The following COL14A1 variants were observed in gnomAD, a reference collection of about 807,000 sequenced individuals.
COL14A1 encodes the protein collagen alpha-1(XIV) chain.
COL14A1 carries 136 observed loss-of-function variants against 230.3 expected under a neutral mutation model. The ratio of observed to expected loss-of-function variants is 0.59; its 90% confidence interval spans 0.51 to 0.68. The LOEUF (loss-of-function observed/expected upper bound fraction) is 0.68. Among genes scored for constraint, COL14A1 ranks in the 30% least tolerant of loss-of-function variants. COL14A1 has a pLI of 0.00. For missense variants in COL14A1, 1,976 were observed against 2,215.8 expected, an observed-to-expected ratio of 0.89 and a Z score of 2.17; for synonymous variants, 792 against 784.1, an observed-to-expected ratio of 1.01 and a Z score of -0.17.
At chr8:120,224,387 G>A (rs1309350383) in intron 14 of COL14A1, among the ~76,000 whole-genome samples, 1 of 152,160 alleles carries the variant, frequency 6.6e-6, no homozygotes, top group Non-Finnish European at 1.5e-5. Flanking sequence ...AAAGGAAAAT[G>A]AATCCTAGGG....
chr8:120,257,199 C>T (rs770980020), intron 23 of COL14A1, among the ~76,000 whole-genome samples: 2 of 152,234 alleles, frequency 1.3e-5, no homozygotes, highest in Middle Eastern at 6.8e-3. Context: ...GTTAAGTGAA[C>T]TTATACTCCC....
intron 24 of COL14A1, 131 bp downstream of exon 24, chr8:120,263,145 T>C: frequency 1.0e-6 from 1 of 985,154 alleles, no homozygotes; most frequent in Non-Finnish European, 1.4e-6. Context: ...ACAAGTTTTG[T>C]TCCTCTTACT....
chr8:120,272,765 T>C (rs992132802), intron 26 of COL14A1, among the ~76,000 whole-genome samples: 1 of 151,406 alleles, frequency 6.6e-6, no homozygotes, highest in African/African-American at 2.4e-5. Flanking sequence ...TACATTTATA[T>C]GGACTTAACT....
rs529964045 is a variant in COL14A1, at chr8:120,338,461, C to T, written c.4786-2864C>T. ...TTATTGCCTGGCCTTGAGCAAGTGACAAGACCTCTTAGTGCCTCATTTTCC... is the reference window on the plus strand; with the variant it reads ...TTATTGCCTGGCCTTGAGCAAGTGATAAGACCTCTTAGTGCCTCATTTTCC... On this transcript the variant is annotated intron_variant, in intron 42 of 47. Coordinates refer to ENST00000297848, the MANE Select transcript of COL14A1 (RefSeq NM_021110.4). Among the ~76,000 whole-genome samples, 4 of 152,190 alleles carry T rather than the reference C, an allele frequency of 2.6e-5. No individual in the cohort carries two copies. The South Asian group carries it at 8.3e-4, about 32-fold the overall frequency.
intron 40 of COL14A1, among the ~76,000 whole-genome samples, chr8:120,322,673 T>C (rs1452819992): frequency 1.3e-5 from 2 of 152,216 alleles, no homozygotes; most frequent in Non-Finnish European, 2.9e-5. Flanking sequence ...CTGCATAAGT[T>C]TGCTATGGAT....
chr8:120,247,124 C>T (rs1222602335), intron 20 of COL14A1, among the ~76,000 whole-genome samples: 1 of 152,086 alleles, frequency 6.6e-6, no homozygotes. Flanking sequence ...AATTATTTCC[C>T]ATATATTTAA....
At chr8:120,205,156 A>G (rs1563670854) in intron 9 of COL14A1, among the ~76,000 whole-genome samples, 1 of 152,140 alleles carries the variant, frequency 6.6e-6, no homozygotes, top group African/African-American at 2.4e-5. Context: ...AAAATGTTTA[A>G]AACGTTTCAG....
intron 40 of COL14A1, among the ~76,000 whole-genome samples, chr8:120,317,349 T>G (rs932489598): frequency 6.8e-6 from 1 of 147,088 alleles, no homozygotes; most frequent in East Asian, 1.9e-4. Context: ...CATCCCCCCC[T>G]TTTTTTTAAC....
At position 120,365,808 on chromosome 8, in the gene COL14A1, G is replaced by A. The variant is rs143632094; in HGVS notation, c.5078-1363G>A. ...GAGATACTGGTCTTTTGTAAGCTCAGATAGCACCATCAAGGTGACATGCAA... is the reference window on the plus strand; with the variant it reads ...GAGATACTGGTCTTTTGTAAGCTCAAATAGCACCATCAAGGTGACATGCAA... On this transcript the variant is annotated intron_variant, in intron 45 of 47. Transcript: ENST00000297848. Among the ~76,000 whole-genome samples, 1,451 of 152,318 alleles carry A rather than the reference G, an allele frequency of 9.5e-3. 15 individuals are homozygous for A. Among genetic ancestry groups the A allele is most frequent in the Non-Finnish European group, 0.015 (1,007 of 68,030 alleles).
Position 120,288,024 on chromosome 8 carries a change from CAA to C in COL14A1, c.4078-1571_4078-1570del, listed in dbSNP as rs61622764. ...ATTTTCAATATCTCCTTTTGTAAAGCAAAAAAAAAAAAAATTAAGCATGTGAA... is the reference window on the plus strand; with the variant it reads ...ATTTTCAATATCTCCTTTTGTAAAGCAAAAAAAAAAAATTAAGCATGTGAA... On this transcript the variant is annotated intron_variant, in intron 33 of 47. Coordinates refer to ENST00000297848, the MANE Select transcript of COL14A1 (RefSeq NM_021110.4). 4.6e-3 allele frequency among the ~76,000 whole-genome samples: 667 copies of C among 145,272 alleles called. 5 individuals carry two copies. The highest frequency in any genetic ancestry group is 0.013 in the African/African-American group (533 of 40,098).
At chr8:120,344,371 G>C (rs1232266478) in intron 44 of COL14A1, among the ~76,000 whole-genome samples, 1 of 152,194 alleles carries the variant, frequency 6.6e-6, no homozygotes, top group African/African-American at 2.4e-5. Flanking sequence ...GTTCACAGTT[G>C]ATCAGAATTA....
At chr8:120,197,503 T>C (rs750365138) in intron 6 of COL14A1, among the ~76,000 whole-genome samples, 28 of 151,988 alleles carry the variant, frequency 1.8e-4, no homozygotes, top group African/African-American at 5.6e-4. Flanking sequence ...TGAGAATAAA[T>C]CAACAACAAA....
chr8:120,328,935 T>C (rs2130193076), intron 40 of COL14A1, among the ~76,000 whole-genome samples: 1 of 152,294 alleles, frequency 6.6e-6, no homozygotes. Flanking sequence ...TTTTGGTTGC[T>C]GGGCAGTTGT....
rs548575627 is a variant in COL14A1 at position 120,372,282 on chromosome 8, C to T, written c.*1051C>T. ...TTATAATCTAGCAGGCAGCAAAGACCCTGCAAATGCATGACCTCTGCTAAA... is the reference window on the plus strand; with the variant it reads ...TTATAATCTAGCAGGCAGCAAAGACTCTGCAAATGCATGACCTCTGCTAAA... On this transcript the variant is annotated 3_prime_UTR_variant, in exon 48 of 48. Coordinates refer to ENST00000297848, the MANE Select transcript of COL14A1 (RefSeq NM_021110.4). Among the ~76,000 whole-genome samples, 275 of 152,202 alleles carry T rather than the reference C, an allele frequency of 1.8e-3. 1 individual carries two copies. The highest frequency in any genetic ancestry group is 5.8e-3 in the African/African-American group (239 of 41,522).
At chr8:120,344,890 G>A (rs1001652025) in intron 44 of COL14A1, among the ~76,000 whole-genome samples, 1 of 152,302 alleles carries the variant, frequency 6.6e-6, no homozygotes, top group Non-Finnish European at 1.5e-5. Flanking sequence ...TTCTGCAGCT[G>A]AGACCCAAGT....
intron 8 of COL14A1, among the ~76,000 whole-genome samples, chr8:120,201,848 C>T (rs1817260215): frequency 6.6e-6 from 1 of 152,100 alleles, no homozygotes; most frequent in South Asian, 2.1e-4. Flanking sequence ...TCGTGATGAC[C>T]ATTTCCTCTC....
chr8:120,325,406 CA>C (rs1821624207), intron 40 of COL14A1, among the ~76,000 whole-genome samples: 1 of 152,186 alleles, frequency 6.6e-6, no homozygotes, highest in South Asian at 2.1e-4. Context: ...AGTGAATTCA[CA>C]TATTATGCTT....
intron 1 of COL14A1, among the ~76,000 whole-genome samples, chr8:120,142,312 T>C (rs1386855859): frequency 6.6e-6 from 1 of 152,222 alleles, no homozygotes; most frequent in Non-Finnish European, 1.5e-5. Flanking sequence ...GCCATATCTT[T>C]TCAAATTCTC....
intron 13 of COL14A1, 143 bp downstream of exon 13, chr8:120,212,720 G>A: frequency 1.2e-6 from 1 of 868,062 alleles, no homozygotes. Flanking sequence ...TTTAGGGCAA[G>A]GAAATGTATT....
Sources: gnomAD v4.1 joint callset for allele counts (sites outside exome capture counted in the v4.1 genomes callset) on GRCh38, gnomAD v4.1.1 for gene constraint, MANE v1.5 for transcripts, NCBI Gene and HGNC (gene_info 2026-07-23, HGNC 2026-07-21) for gene names.